GLIS3: variants seen among roughly 807,000 people sequenced by gnomAD.
GLIS3 encodes the protein zinc finger protein GLIS3.
In GLIS3, 53 loss-of-function variants were observed where a neutral mutation model predicts 78.6. That is an observed-to-expected ratio of 0.67 (90% CI 0.54 to 0.85). The LOEUF (loss-of-function observed/expected upper bound fraction) is 0.85. GLIS3 is among the 40% of genes least tolerant of loss of function. The pLI, the probability that GLIS3 is intolerant of heterozygous loss-of-function variation, is 0.00. For missense variants in GLIS3, 1,703 were observed against 1,231.1 expected, an observed-to-expected ratio of 1.38 and a Z score of -5.74; for synonymous variants, 684 against 509.9, an observed-to-expected ratio of 1.34 and a Z score of -4.60.
At chr9:3,924,403 A>G (rs1327300425) in intron 6 of GLIS3, among the ~76,000 whole-genome samples, 1 of 152,184 alleles carries the variant, frequency 6.6e-6, no homozygotes, top group Non-Finnish European at 1.5e-5. Context: ...AAACCAGGGG[A>G]ATGTAACTTA....
intron 2 of GLIS3, among the ~76,000 whole-genome samples, chr9:4,168,012 G>T (rs75042880): frequency 6.6e-6 from 1 of 152,156 alleles, no homozygotes; most frequent in Non-Finnish European, 1.5e-5. Flanking sequence ...CCCTGGCCTA[G>T]GGCTTTAGTT....
chr9:4,375,384 A>C, the GLIS3 span, among the ~76,000 whole-genome samples: 1 of 152,228 alleles, frequency 6.6e-6, no homozygotes, highest in Non-Finnish European at 1.5e-5. Flanking sequence ...ATTATAGTAT[A>C]TACAAGTTTC....
chr9:4,279,143 T>C (rs1408074647), intron 2 of GLIS3, among the ~76,000 whole-genome samples: 1 of 151,330 alleles, frequency 6.6e-6, no homozygotes, highest in African/African-American at 2.4e-5. Context: ...CTAATAAAAA[T>C]ACAAAAGTTT....
At chr9:4,048,118 T>G (rs1825406351) in intron 4 of GLIS3, among the ~76,000 whole-genome samples, 2 of 152,186 alleles carry the variant, frequency 1.3e-5, no homozygotes, top group Non-Finnish European at 2.9e-5. Flanking sequence ...TTTACTGCAG[T>G]TCTGTGTGTT....
At chr9:4,256,387 C>G (rs1469017711) in intron 2 of GLIS3, among the ~76,000 whole-genome samples, 3 of 152,092 alleles carry the variant, frequency 2.0e-5, no homozygotes, top group Non-Finnish European at 4.4e-5. Flanking sequence ...AATACCTGGA[C>G]AACTTTAGTA....
chr9:4,092,499 T>C (rs1421796714), intron 4 of GLIS3, among the ~76,000 whole-genome samples: 1 of 152,082 alleles, frequency 6.6e-6, no homozygotes, highest in Admixed American at 6.6e-5. Flanking sequence ...CAATATTTCC[T>C]TTCTTTATTT....
the GLIS3 span, among the ~76,000 whole-genome samples, chr9:4,380,115 G>A: frequency 6.6e-6 from 1 of 152,274 alleles, no homozygotes; most frequent in African/African-American, 2.4e-5. Flanking sequence ...GTGGGACAAG[G>A]TTTCAAACCT....
At chr9:3,852,971 G>A (rs893706655) in intron 9 of GLIS3, among the ~76,000 whole-genome samples, 4 of 152,186 alleles carry the variant, frequency 2.6e-5, no homozygotes, top group African/African-American at 7.2e-5. Flanking sequence ...CACTTTGAAA[G>A]GCTGAGGCAG....
At chr9:4,415,405 C>A in the GLIS3 span, among the ~76,000 whole-genome samples, 26 of 152,328 alleles carry the variant, frequency 1.7e-4, no homozygotes, top group East Asian at 4.2e-3. Flanking sequence ...AGTAAATGTT[C>A]AGAGTTGTGC....
intron 2 of GLIS3, among the ~76,000 whole-genome samples, chr9:4,160,632 A>C (rs1304204223): frequency 6.6e-6 from 1 of 152,150 alleles, no homozygotes; most frequent in Non-Finnish European, 1.5e-5. Context: ...TTATCATGTG[A>C]TTTTCTTCAA....
At chr9:4,434,392 G>C in the GLIS3 span, among the ~76,000 whole-genome samples, 2 of 152,090 alleles carry the variant, frequency 1.3e-5, no homozygotes, top group Non-Finnish European at 2.9e-5. Flanking sequence ...CGTAAGAAAA[G>C]AAGCACCTAA....
chr9:4,437,468 C>G, the GLIS3 span, among the ~76,000 whole-genome samples: 1 of 105,012 alleles, frequency 9.5e-6, no homozygotes, highest in East Asian at 2.5e-4. Context: ...ATCTATCTAT[C>G]TATATATCAT....
chr9:3,924,158 T>C (rs1229026503), intron 6 of GLIS3, among the ~76,000 whole-genome samples: 1 of 152,230 alleles, frequency 6.6e-6, no homozygotes. Context: ...GTTGTGCTAT[T>C]GTCTGAGTAT....
intron 4 of GLIS3, chr9:4,305,591 G>C (rs985381967): frequency 8.5e-5 from 13 of 152,228 alleles, no homozygotes; most frequent in Non-Finnish European, 1.9e-4. Context: ...GTCAATCCGT[G>C]CAAGACATTC....
At chr9:4,408,248 C>A in the GLIS3 span, among the ~76,000 whole-genome samples, 73,912 of 151,708 alleles carry the variant, frequency 0.49, 18,803 homozygotes, top group South Asian at 0.57. Flanking sequence ...TATGACCCAG[C>A]AATCCCACTG....
chr9:4,323,719 G>C (rs1424168678), intron 2 of GLIS3, among the ~76,000 whole-genome samples: 3 of 152,076 alleles, frequency 2.0e-5, no homozygotes, highest in Non-Finnish European at 4.4e-5. Flanking sequence ...TGCATGATTG[G>C]GATCTGTCTT....
At chr9:4,330,397 A>G (rs140240530) in intron 2 of GLIS3, among the ~76,000 whole-genome samples, 4,365 of 152,360 alleles carry the variant, frequency 0.029, 75 homozygotes, top group Middle Eastern at 0.068. Context: ...GGTATTGCTG[A>G]TGCTATTGGT....
intron 2 of GLIS3, among the ~76,000 whole-genome samples, chr9:4,329,652 G>A (rs1425228035): frequency 9.2e-5 from 14 of 152,000 alleles, no homozygotes. Flanking sequence ...AGCATTCCAG[G>A]ATGAGAGAGA....
chr9:3,917,870 T>A (rs901145427), intron 6 of GLIS3, among the ~76,000 whole-genome samples: 1 of 152,214 alleles, frequency 6.6e-6, no homozygotes. Context: ...TGCACTGCCT[T>A]TGCTATACAA....
Sources: gnomAD v4.1 joint callset for allele counts (sites outside exome capture counted in the v4.1 genomes callset) on GRCh38, gnomAD v4.1.1 for gene constraint, MANE v1.5 for transcripts, NCBI Gene and HGNC (gene_info 2026-07-23, HGNC 2026-07-21) for gene names.